Variants in BMERB1 observed in about 807,000 individuals in gnomAD.
The protein encoded by BMERB1 is bMERB domain containing 1.
In BMERB1, 12 loss-of-function variants were observed where a neutral mutation model predicts 23.6. The ratio of observed to expected loss-of-function variants is 0.51; its 90% CI spans 0.33 to 0.82. BMERB1 has a LOEUF of 0.82. Among genes scored for constraint, BMERB1 ranks in the 40% least tolerant of loss-of-function variants. The probability of loss-of-function intolerance (pLI) is 0.03; values close to 1 mark genes in which losing one functional copy is unlikely to be tolerated. For missense variants in BMERB1, 247 were observed against 255.4 expected (o/e 0.97, Z 0.22); for synonymous variants, 122 against 96.6 (o/e 1.26, Z -1.54).
In BMERB1 at chr16:15,568,007, G is replaced by A. The variant is rs1251215903; in HGVS notation, c.255G>A (p.Lys85=). 1.2e-6 allele frequency: 2 copies of A among 1,613,984 alleles called. No individual in the cohort carries two copies. Among genetic ancestry groups the A allele is most frequent in the Admixed American group, 1.7e-5 (1 of 60,012 alleles). ...RFMMDDIQLC[K]DIMDLKQELQ... ...GGATGGATGACATCCAGCTCTGCAA[G>A]GACATCATGGACTTGAAGCAGGAGC... The change falls in exon 3 of 6, where the codon AAG becomes AAA. Residue 85 remains lysine, a synonymous_variant. Transcript: ENST00000300006.
chr16:15,468,208 C>T (rs1172882051), intron 1 of BMERB1, among the ~76,000 whole-genome samples: 5 of 126,636 alleles, frequency 3.9e-5, no homozygotes, highest in African/African-American at 6.2e-5. Context: ...TGCAGTGGCA[C>T]GATCACAGCT....
intron 1 of BMERB1, among the ~76,000 whole-genome samples, chr16:15,500,515 G>A (rs2051517639): frequency 6.6e-6 from 1 of 152,220 alleles, no homozygotes; most frequent in Non-Finnish European, 1.5e-5. Context: ...ACACCTCAGG[G>A]AGACAGAATC....
intron 4 of BMERB1, among the ~76,000 whole-genome samples, chr16:15,582,759 TG>T (rs1363918960): frequency 6.6e-6 from 1 of 152,156 alleles, no homozygotes; most frequent in East Asian, 1.9e-4. Context: ...TACTTTATCT[TG>T]GTGATCCTTG....
chr16:15,529,769 A>G lies in BMERB1; in HGVS notation c.230+14341A>G, dbSNP rs150506003. The stretch of plus-strand genomic sequence containing the variant: ...CATGTGGCAGGTCTGGGTGGTGAGA[A>G]CTGCCTGGCTCTCTGATGGTTAGGG... On this transcript the variant is annotated intron_variant, in intron 2 of 5. Transcript: ENST00000300006. 3.8e-3 allele frequency among the ~76,000 whole-genome samples: 578 copies of G among 152,284 alleles called. 4 individuals carry two copies. The highest frequency in any genetic ancestry group is 0.013 in the African/African-American group (535 of 41,552).
At chr16:15,482,346 A>G (rs1225236542) in intron 1 of BMERB1, among the ~76,000 whole-genome samples, 1 of 152,206 alleles carries the variant, frequency 6.6e-6, no homozygotes, top group Non-Finnish European at 1.5e-5. Context: ...TGTCCTAAAC[A>G]GGAAGCCATG....
intron 2 of BMERB1, among the ~76,000 whole-genome samples, chr16:15,566,493 A>G (rs567096525): frequency 5.9e-5 from 9 of 152,244 alleles, no homozygotes; most frequent in African/African-American, 1.9e-4. Context: ...ATTATAGTTA[A>G]ATAGATCACT....
At chr16:15,459,721 C>T (rs531756410) in intron 1 of BMERB1, among the ~76,000 whole-genome samples, 6 of 152,114 alleles carry the variant, frequency 3.9e-5, no homozygotes, top group Admixed American at 1.3e-4. Flanking sequence ...TACCTTGTGG[C>T]CTCCTGTCCA....
intron 1 of BMERB1, among the ~76,000 whole-genome samples, chr16:15,488,980 GT>G (rs2051392743): frequency 6.6e-6 from 1 of 150,536 alleles, no homozygotes; most frequent in Non-Finnish European, 1.5e-5. Flanking sequence ...GGAGTCCAAA[GT>G]CTATCTGTTT....
intron 3 of BMERB1, among the ~76,000 whole-genome samples, chr16:15,573,787 C>A (rs375685266): frequency 0.018 from 2,396 of 132,694 alleles, 31 homozygotes; most frequent in Middle Eastern, 0.046. Context: ...CTGGGTATAA[C>A]GGAAAGAGGT....
At position 15,434,609 on chromosome 16, in the gene BMERB1, A is replaced by C; in HGVS notation, c.-45A>C. The C allele has an allele frequency of 6.5e-7, 1 of 1,548,592 alleles. No homozygotes were observed. Among genetic ancestry groups the C allele is most frequent in the Non-Finnish European group, 8.9e-7 (1 of 1,120,766 alleles). On this transcript the variant is annotated 5_prime_UTR_variant, in exon 1 of 6. Transcript: ENST00000300006. ...CTCCCTCCCTGCAGCCCGCAACGGGAATGGAGTAAAGGGAGACCCGTCGAC... is the reference window on the plus strand; with the variant it reads ...CTCCCTCCCTGCAGCCCGCAACGGGCATGGAGTAAAGGGAGACCCGTCGAC...
chr16:15,540,918 A>G (rs1320527350), intron 2 of BMERB1, among the ~76,000 whole-genome samples: 1 of 152,084 alleles, frequency 6.6e-6, no homozygotes, highest in South Asian at 2.1e-4. Flanking sequence ...TGATTCTTGG[A>G]TGCCAACTGG....
At chr16:15,540,767 G>A (rs951588330) in intron 2 of BMERB1, among the ~76,000 whole-genome samples, 15 of 152,188 alleles carry the variant, frequency 9.9e-5, no homozygotes, top group African/African-American at 2.4e-4. Context: ...GTGTCCCAGC[G>A]GAGATGCTTA....
intron 2 of BMERB1, among the ~76,000 whole-genome samples, chr16:15,543,597 G>A: frequency 6.6e-6 from 1 of 152,078 alleles, no homozygotes; most frequent in East Asian, 1.9e-4. Context: ...GAAGCAGGAG[G>A]ACTCCTTGAG....
chr16:15,577,116 T>G (rs58021848), intron 3 of BMERB1: 2 of 151,960 alleles, frequency 1.3e-5, no homozygotes, highest in Non-Finnish European at 2.9e-5. Flanking sequence ...CATGTTGTCT[T>G]CTCCTTACTG....
intron 2 of BMERB1, among the ~76,000 whole-genome samples, chr16:15,540,100 T>C (rs1445487396): frequency 1.3e-5 from 2 of 152,050 alleles, no homozygotes; most frequent in African/African-American, 2.4e-5. Context: ...TGAGCTGATA[T>C]CACGCCACTG....
intron 1 of BMERB1, among the ~76,000 whole-genome samples, chr16:15,444,271 C>T (rs917425331): frequency 6.6e-6 from 1 of 151,432 alleles, no homozygotes; most frequent in South Asian, 2.1e-4. Flanking sequence ...ACTTCACTCA[C>T]AAGTTCCCCC....
chr16:15,556,288 G>A lies in BMERB1; in HGVS notation c.231-11695G>A, dbSNP rs148321862. ...AGCTGACTTTTTACCTAGGGTGGAG[G>A]AGTGGATGGAAGTGGCTGTTCCTAC... On this transcript the variant is annotated intron_variant, in intron 2 of 5. Coordinates refer to ENST00000300006, the MANE Select transcript of BMERB1 (RefSeq NM_033201.3). Among the ~76,000 whole-genome samples the A allele has an allele frequency of 2.1e-3, 322 of 152,280 alleles. 3 individuals carry two copies. Among genetic ancestry groups the A allele is most frequent in the Middle Eastern group, 0.017 (5 of 294 alleles).
At chr16:15,576,910 G>A (rs1282805223) in intron 3 of BMERB1, among the ~76,000 whole-genome samples, 1 of 152,126 alleles carries the variant, frequency 6.6e-6, no homozygotes, top group African/African-American at 2.4e-5. Context: ...GGTCTCTCTC[G>A]AGAAGTCCCT....
chr16:15,536,293 A>T (rs184894694), intron 2 of BMERB1, among the ~76,000 whole-genome samples: 2 of 151,964 alleles, frequency 1.3e-5, no homozygotes, highest in East Asian at 3.9e-4. Context: ...GGGCCTGCTG[A>T]CCAACAGCAG....
Sources: allele counts gnomAD v4.1 joint callset (sites outside exome capture counted in the v4.1 genomes callset), GRCh38; gene constraint gnomAD v4.1.1; transcripts MANE v1.5; gene names NCBI Gene and HGNC (gene_info 2026-07-23, HGNC 2026-07-21).